CDH12: variants seen among roughly 807,000 people sequenced by gnomAD.
CDH12 encodes the protein cadherin 12, also known as cadherin-12.
A neutral mutation model predicts 74.1 loss-of-function variants in CDH12; 41 were observed. That is an observed-to-expected ratio of 0.55 (90% CI 0.43 to 0.72). CDH12 has a LOEUF of 0.72. CDH12 is among the 30% of genes least tolerant of loss of function. The probability of loss-of-function intolerance (pLI) is 0.00; values close to 1 mark genes in which losing one functional copy is unlikely to be tolerated. For missense variants in CDH12, 945 were observed against 977.2 expected (o/e 0.97, Z 0.44); for synonymous variants, 399 against 355.0 (o/e 1.12, Z -1.39).
intron 3 of CDH12, among the ~76,000 whole-genome samples, chr5:22,306,517 T>C (rs958920823): frequency 1.3e-5 from 2 of 152,182 alleles, no homozygotes; most frequent in Admixed American, 6.5e-5. Flanking sequence ...AAATTCTGTG[T>C]AACATCAAGA....
At chr5:22,686,905 C>T (rs1490925278) in intron 1 of CDH12, among the ~76,000 whole-genome samples, 2 of 151,910 alleles carry the variant, frequency 1.3e-5, no homozygotes, top group East Asian at 1.9e-4. Flanking sequence ...GTTAAAAATA[C>T]TCTCTTTTTC....
chr5:22,609,793 A>G (rs1481896562), intron 1 of CDH12, among the ~76,000 whole-genome samples: 1 of 152,236 alleles, frequency 6.6e-6, no homozygotes, highest in Non-Finnish European at 1.5e-5. Flanking sequence ...CATCTACTCA[A>G]TGCTGTCTGT....
chr5:22,645,641 A>G (rs1277873009), intron 1 of CDH12, among the ~76,000 whole-genome samples: 2 of 152,028 alleles, frequency 1.3e-5, no homozygotes, highest in Admixed American at 6.6e-5. Flanking sequence ...TTTAGATCAA[A>G]TTTCATCAAA....
At chr5:22,203,161 T>C (rs575008018) in intron 4 of CDH12, among the ~76,000 whole-genome samples, 3 of 152,220 alleles carry the variant, frequency 2.0e-5, no homozygotes, top group Non-Finnish European at 4.4e-5. Context: ...ATATTAACTA[T>C]AGTCACCATG....
At chr5:21,876,787 G>T (rs1751961610) in intron 6 of CDH12, among the ~76,000 whole-genome samples, 1 of 152,244 alleles carries the variant, frequency 6.6e-6, no homozygotes, top group African/African-American at 2.4e-5. Flanking sequence ...CTCATTTCCA[G>T]GCTTATCTTT....
At chr5:21,959,122 T>C (rs1156693573) in intron 6 of CDH12, among the ~76,000 whole-genome samples, 2 of 152,236 alleles carry the variant, frequency 1.3e-5, no homozygotes, top group Non-Finnish European at 2.9e-5. Flanking sequence ...ATAGAAATGC[T>C]AGTGATTTTT....
chr5:22,676,195 A>G (rs1741180301), intron 1 of CDH12, among the ~76,000 whole-genome samples: 1 of 151,534 alleles, frequency 6.6e-6, no homozygotes, highest in Non-Finnish European at 1.5e-5. Context: ...CTAATATTTG[A>G]TAAATAAGGT....
rs1736348575 is a variant in CDH12 at position 22,270,579 on chromosome 5, G to A, written c.-332-57936C>T. On this transcript the variant is annotated intron_variant, in intron 3 of 14. Transcript: ENST00000382254. ...TGTTGCACTTCTGCCTAGGCGGCAGGGTGAGACACCGTCTCAAAAAAAAAA... is the reference window on the plus strand; with the variant it reads ...TGTTGCACTTCTGCCTAGGCGGCAGAGTGAGACACCGTCTCAAAAAAAAAA... Among the ~76,000 whole-genome samples, 7 of 138,720 alleles carry A rather than the reference G, an allele frequency of 5.0e-5. No individual in the cohort carries two copies. In the South Asian group the frequency reaches 1.8e-3, roughly 36 times the overall value. The allele number at this position is 138,720 out of a possible 152,430, so 91.0% of individuals were successfully genotyped here. A position where few individuals can be genotyped will look rare whatever the true frequency, so the allele number is the denominator to read the frequency against.
intron 4 of CDH12, among the ~76,000 whole-genome samples, chr5:22,084,608 T>G (rs1742946688): frequency 6.6e-6 from 1 of 152,208 alleles, no homozygotes; most frequent in Admixed American, 6.5e-5. Context: ...CTCCTGTCAT[T>G]GTTTTATAAT....
chr5:22,161,426 G>A (rs1748340975), intron 4 of CDH12, among the ~76,000 whole-genome samples: 4 of 152,150 alleles, frequency 2.6e-5, no homozygotes, highest in Admixed American at 1.3e-4. Flanking sequence ...GGCTGGGCAT[G>A]TTAGCTCACA....
At chr5:22,832,073 A>G (rs138531581) in intron 1 of CDH12, among the ~76,000 whole-genome samples, 1 of 152,304 alleles carries the variant, frequency 6.6e-6, no homozygotes, top group East Asian at 1.9e-4. Flanking sequence ...ATTACTGACT[A>G]GAATAAAAAT....
intron 3 of CDH12, among the ~76,000 whole-genome samples, chr5:22,297,360 T>C (rs956713874): frequency 6.6e-6 from 1 of 152,188 alleles, no homozygotes; most frequent in Non-Finnish European, 1.5e-5. Flanking sequence ...TATTTCTAAC[T>C]GAGTCAAATG....
intron 5 of CDH12, among the ~76,000 whole-genome samples, chr5:22,041,053 A>T (rs1177609270): frequency 6.6e-6 from 1 of 152,074 alleles, no homozygotes; most frequent in African/African-American, 2.4e-5. Flanking sequence ...AATATAAAAT[A>T]TAGGGGGAAA....
chr5:22,326,188 A>T (rs1454267867), intron 3 of CDH12, among the ~76,000 whole-genome samples: 2 of 151,864 alleles, frequency 1.3e-5, no homozygotes, highest in Non-Finnish European at 2.9e-5. Context: ...TCAATCAAGG[A>T]TTTATCTATT....
intron 3 of CDH12, among the ~76,000 whole-genome samples, chr5:22,381,437 T>C (rs140890336): frequency 1.1e-3 from 161 of 152,218 alleles, no homozygotes; most frequent in African/African-American, 3.7e-3. Context: ...ATTTCAATCT[T>C]CGGGTTGGTC....
chr5:22,563,152 A>G (rs1398071229), intron 1 of CDH12, among the ~76,000 whole-genome samples: 2 of 151,040 alleles, frequency 1.3e-5, no homozygotes, highest in African/African-American at 4.8e-5. Context: ...AGCAGACGGA[A>G]TCAAGGAACA....
intron 6 of CDH12, among the ~76,000 whole-genome samples, chr5:21,905,756 A>G (rs1404475814): frequency 6.6e-6 from 1 of 152,054 alleles, no homozygotes; most frequent in South Asian, 2.1e-4. Flanking sequence ...CTATGTTTAA[A>G]GTATCTATTG....
intron 1 of CDH12, among the ~76,000 whole-genome samples, chr5:22,818,962 T>G (rs1467678268): frequency 6.6e-6 from 1 of 152,084 alleles, no homozygotes; most frequent in African/African-American, 2.4e-5. Context: ...AGAGAAGAGT[T>G]TGGTTTCAAG....
chr5:22,344,447 A>G (rs1042608636), intron 3 of CDH12, among the ~76,000 whole-genome samples: 1 of 152,188 alleles, frequency 6.6e-6, no homozygotes, highest in Non-Finnish European at 1.5e-5. Context: ...TTGAAAATCC[A>G]TAAGTAAATT....
Sources: gnomAD v4.1 joint callset for allele counts (sites outside exome capture counted in the v4.1 genomes callset) on GRCh38, gnomAD v4.1.1 for gene constraint, MANE v1.5 for transcripts, NCBI Gene and HGNC (gene_info 2026-07-23, HGNC 2026-07-21) for gene names.